Variants in RECQL observed in about 807,000 individuals in gnomAD.
RECQL encodes ATP-dependent DNA helicase Q1.
Under a neutral mutation model 75.8 loss-of-function variants are expected in RECQL, and 73 were observed. That is an observed-to-expected ratio of 0.96 (90% CI 0.80 to 1.17). RECQL has a LOEUF of 1.17. Ranked by LOEUF, RECQL falls within the 50% of genes most tolerant of loss-of-function variation. The pLI, the probability that RECQL is intolerant of heterozygous loss-of-function variation, is 0.00. For missense variants in RECQL, 699 were observed against 772.1 expected, an observed-to-expected ratio of 0.91 and a Z score of 1.12; for synonymous variants, 248 against 254.4, an observed-to-expected ratio of 0.97 and a Z score of 0.24.
At position 21,499,627 on chromosome 12, in the gene RECQL, A is replaced by G; in HGVS notation, c.-45-12T>C. 7.1e-7 allele frequency: 1 copy of G among 1,416,424 alleles called. No homozygotes were observed. The highest frequency in any genetic ancestry group is 1.2e-5 in the South Asian group (1 of 81,418). The allele number at this position is 1,416,424 out of a possible 1,614,324, so 87.7% of individuals were successfully genotyped here. On this transcript the variant is annotated splice_polypyrimidine_tract_variant and intron_variant, in intron 1 of 14. Coordinates refer to ENST00000444129, the MANE Select transcript of RECQL (RefSeq NM_002907.4). ...ATCCAAATTTCTTTCTAAAAATAAA[A>G]GCACAACAGTGACAACAAGTTTTTA...
At position 21,471,464 on chromosome 12, in the gene RECQL, T is replaced by G; in HGVS notation, c.1631A>C (p.Lys544Thr). Reference protein sequence around the residue: ...APTLPREDLEKIIAHFLIQQY... With the variant: ...APTLPREDLETIIAHFLIQQY... The stretch of plus-strand genomic sequence containing the variant: ...CTGTATTAGAAAGTGTGCAATAATC[T>G]TCTCCAGATCTTCACGAGGAAGTGT... Residue 544 changes from lysine to threonine, a missense_variant, in exon 13 of 15, where the codon AAG becomes ACG. Physicochemically the swap from Lys to Thr is moderately conservative, Grantham distance 78. Coordinates refer to ENST00000444129, the MANE Select transcript of RECQL (RefSeq NM_002907.4). The G allele has an allele frequency of 1.2e-6, 2 of 1,613,064 alleles. No homozygotes were observed. Among genetic ancestry groups the G allele is most frequent in the South Asian group, 1.1e-5 (1 of 91,036 alleles).
At chr12:21,496,528 C>A (rs2136775151) in intron 2 of RECQL, among the ~76,000 whole-genome samples, 1 of 152,318 alleles carries the variant, frequency 6.6e-6, no homozygotes, top group South Asian at 2.1e-4. Context: ...TACACTAGCT[C>A]TCTGCATTGA....
chr12:21,491,142 T>C (rs1023806113), intron 3 of RECQL, among the ~76,000 whole-genome samples: 1 of 152,194 alleles, frequency 6.6e-6, no homozygotes, highest in African/African-American at 2.4e-5. Flanking sequence ...ATTGATAAAC[T>C]TGATGTTTGA....
chr12:21,485,311 G>C (rs1943270304), intron 5 of RECQL, among the ~76,000 whole-genome samples: 1 of 142,944 alleles, frequency 7.0e-6, no homozygotes, highest in Non-Finnish European at 1.5e-5. Flanking sequence ...TGCACATCCT[G>C]CATATGGACC....
intron 2 of RECQL, among the ~76,000 whole-genome samples, chr12:21,492,754 C>T (rs925489192): frequency 6.6e-6 from 1 of 152,196 alleles, no homozygotes; most frequent in Non-Finnish European, 1.5e-5. Flanking sequence ...AGCCAGTTCC[C>T]CCAGCTCCTG....
chr12:21,491,921 A>T (rs1943422570), intron 2 of RECQL, among the ~76,000 whole-genome samples: 1 of 152,210 alleles, frequency 6.6e-6, no homozygotes, highest in Non-Finnish European at 1.5e-5. Context: ...ACCTCAGACA[A>T]GATACTCACC....
intron 4 of RECQL, among the ~76,000 whole-genome samples, chr12:21,488,922 T>C (rs1943356837): frequency 2.0e-5 from 3 of 152,252 alleles, no homozygotes; most frequent in South Asian, 2.1e-4. Flanking sequence ...TCCAGGTTAC[T>C]GAATACATCA....
rs1400570118 is a variant in RECQL, at chr12:21,469,505, T to TA, written c.*688dup. 1 of 149,188 alleles carries TA rather than the reference T, an allele frequency of 6.7e-6. No homozygotes were observed. Among genetic ancestry groups the TA allele is most frequent in the Admixed American group, 6.7e-5 (1 of 14,856 alleles). 9.2% of individuals were successfully genotyped at this position (149,188 alleles called of 1,614,324 possible). ...ACATCCCTGATCTACATATTTAACT[T>TA]AAAGTATCACTCAGTGAACCTCTGT... On this transcript the variant is annotated 3_prime_UTR_variant, in exon 15 of 15. Transcript: ENST00000444129.
At chr12:21,495,384 C>G (rs1410016802) in intron 2 of RECQL, among the ~76,000 whole-genome samples, 1 of 152,152 alleles carries the variant, frequency 6.6e-6, no homozygotes, top group African/African-American at 2.4e-5. Context: ...ATCACGAGAT[C>G]AGGAGATCGA....
chr12:21,491,901 C>T, intron 2 of RECQL, among the ~76,000 whole-genome samples, 185 bp from the exon 3 acceptor site: 1 of 152,164 alleles, frequency 6.6e-6, no homozygotes, highest in East Asian at 1.9e-4. Context: ...CTCCTTTTAC[C>T]TGCTGAGTGA....
chr12:21,490,182 A>T lies in RECQL; in HGVS notation c.394+17T>A, dbSNP rs956209316. 9 of 1,503,936 alleles carry T rather than the reference A, an allele frequency of 6.0e-6. No individual in the cohort carries two copies. Among genetic ancestry groups the T allele is most frequent in the Admixed American group, 3.8e-5 (2 of 52,496 alleles). The allele number at this position is 1,503,936 out of a possible 1,614,324, so 93.2% of individuals were successfully genotyped here. A position where few individuals can be genotyped will look rare whatever the true frequency, so the allele number is the denominator to read the frequency against. On this transcript the variant is annotated intron_variant, in intron 4 of 14. Transcript: ENST00000444129. ...AAAGCACTTCTTCAACTCAAAATTA[A>T]TTTTTTTAGTACATACCATCTGAAC... is the stretch of plus-strand genomic sequence containing the variant.
intron 4 of RECQL, 87 bp downstream of exon 4, chr12:21,490,112 A>G (rs1943380119): frequency 6.1e-6 from 4 of 657,022 alleles, no homozygotes; most frequent in Non-Finnish European, 9.6e-6. Flanking sequence ...TTATATATGT[A>G]TGATTATAAA....
intron 8 of RECQL, 104 bp downstream of exon 8, chr12:21,476,807 A>AT (rs537129509): frequency 7.7e-5 from 44 of 570,040 alleles, no homozygotes; most frequent in African/African-American, 3.7e-4. Flanking sequence ...CTATACATTA[A>AT]TTTTTTTTGG....
chr12:21,483,801 C>T (rs1210213984), intron 5 of RECQL, among the ~76,000 whole-genome samples: 2 of 151,900 alleles, frequency 1.3e-5, no homozygotes, highest in Admixed American at 6.6e-5. Context: ...TTGTTGATGA[C>T]TAAAAAAAAC....
In RECQL at chr12:21,475,771, G is replaced by A. The variant is rs2137340413; in HGVS notation, c.1003C>T (p.Gln335Ter). 1.2e-6 allele frequency: 2 copies of A among 1,613,082 alleles called. No homozygotes were observed. Among genetic ancestry groups the A allele is most frequent in the Non-Finnish European group, 1.7e-6 (2 of 1,179,296 alleles). ...KDSEQVTVSL[Q>*]NLGIHAGAYH... ...GCACCTGCATGAATTCCCAGATTCT[G>A]CAAACTAACCGTAACTTGTTCAGAG... Residue 335 changes from glutamine (Q) to a stop codon, truncating the protein, a stop_gained, in exon 9 of 15, where the codon CAG (glutamine) becomes TAG (stop). Coordinates refer to ENST00000444129, the MANE Select transcript of RECQL (RefSeq NM_002907.4). LOFTEE classifies it high-confidence loss of function.
intron 5 of RECQL, among the ~76,000 whole-genome samples, chr12:21,484,826 TG>T (rs1279573861): frequency 1.3e-5 from 2 of 152,000 alleles, no homozygotes; most frequent in South Asian, 2.1e-4. Context: ...TAGTGATACT[TG>T]GGGAAAGAAA....
intron 6 of RECQL, among the ~76,000 whole-genome samples, chr12:21,479,954 A>G (rs939484884): frequency 6.6e-6 from 1 of 152,176 alleles, no homozygotes; most frequent in Non-Finnish European, 1.5e-5. Context: ...CACCTTTTTA[A>G]TTGTGTGCCA....
chr12:21,470,075 AT>A lies in RECQL; in HGVS notation c.*118del, dbSNP rs1227229356. The A allele has an allele frequency of 1.4e-6, 1 of 698,270 alleles. No homozygotes were observed. The highest frequency in any genetic ancestry group is 2.3e-6 in the Non-Finnish European group (1 of 439,480). The allele number at this position is 698,270 out of a possible 1,614,324, so 43.3% of individuals were successfully genotyped here. On this transcript the variant is annotated 3_prime_UTR_variant, in exon 15 of 15. Transcript: ENST00000444129. ...ATCTTCAGAGATAAGCTCTGAAAATATAGATCCATACATATAAAATATCTAT... is the reference window on the plus strand; with the variant it reads ...ATCTTCAGAGATAAGCTCTGAAAATAAGATCCATACATATAAAATATCTAT...
chr12:21,483,904 A>C (rs1943241159), intron 5 of RECQL, among the ~76,000 whole-genome samples: 1 of 152,158 alleles, frequency 6.6e-6, no homozygotes, highest in Non-Finnish European at 1.5e-5. Context: ...TATATTCTAA[A>C]ATGTGAGCTA....
Sources: gnomAD v4.1 joint callset for allele counts (sites outside exome capture counted in the v4.1 genomes callset) on GRCh38, gnomAD v4.1.1 for gene constraint, MANE v1.5 for transcripts, NCBI Gene and HGNC (gene_info 2026-07-23, HGNC 2026-07-21) for gene names.